The following ACTR3C variants were observed in gnomAD, a reference collection of about 807,000 sequenced individuals.
The protein encoded by ACTR3C is actin-related protein 3C.
A neutral mutation model predicts 26.3 loss-of-function variants in ACTR3C; 18 were observed. The observed-to-expected ratio is 0.68, with a 90% confidence interval of 0.47 to 1.01. The LOEUF (loss-of-function observed/expected upper bound fraction) is 1.01. ACTR3C is among the 50% of genes least tolerant of loss of function. ACTR3C has a pLI of 0.00. For synonymous variants in ACTR3C, 55 were observed against 94.5 expected, an observed-to-expected ratio of 0.58 and a Z score of 2.42; for missense variants, 184 against 250.7, an observed-to-expected ratio of 0.73 and a Z score of 1.80.
the ACTR3C span, among the ~76,000 whole-genome samples, chr7:150,205,704 T>C: frequency 6.6e-6 from 1 of 152,192 alleles, no homozygotes; most frequent in African/African-American, 2.4e-5. Flanking sequence ...GCCTCATAGA[T>C]ACCCTCTATT....
chr7:150,228,559 A>G, the ACTR3C span, among the ~76,000 whole-genome samples: 5 of 152,186 alleles, frequency 3.3e-5, no homozygotes, highest in African/African-American at 1.2e-4. Flanking sequence ...AGAGCTGCCA[A>G]TGTCATAAAG....
chr7:150,129,305 A>G, the ACTR3C span, among the ~76,000 whole-genome samples: 3 of 152,142 alleles, frequency 2.0e-5, no homozygotes, highest in African/African-American at 7.2e-5. Flanking sequence ...AATACTGAAC[A>G]CTTTTCCCCT....
chr7:150,004,253 T>C, the ACTR3C span, among the ~76,000 whole-genome samples: 1 of 139,056 alleles, frequency 7.2e-6, no homozygotes, highest in East Asian at 3.5e-4. Context: ...TTATGTGATA[T>C]GTGTGTGTGG....
At chr7:150,127,381 T>C in the ACTR3C span, among the ~76,000 whole-genome samples, 2 of 152,174 alleles carry the variant, frequency 1.3e-5, no homozygotes, top group African/African-American at 4.8e-5. Context: ...GACCTCCACA[T>C]AGTCCATTTT....
At chr7:150,036,170 G>T in the ACTR3C span, among the ~76,000 whole-genome samples, 15 of 125,880 alleles carry the variant, frequency 1.2e-4, 1 homozygote, top group African/African-American at 3.8e-4. Flanking sequence ...CTCCCCCCCC[G>T]CGATGGGAGT....
intron 6 of ACTR3C, among the ~76,000 whole-genome samples, chr7:150,277,605 C>T (rs1006568585): frequency 1.3e-5 from 2 of 152,116 alleles, no homozygotes; most frequent in African/African-American, 2.4e-5. Context: ...TCTAGTCTTC[C>T]GCTGCCTCAG....
the ACTR3C span, among the ~76,000 whole-genome samples, chr7:149,897,570 A>T: frequency 1.4e-4 from 21 of 152,224 alleles, no homozygotes; most frequent in African/African-American, 5.1e-4. Context: ...ACACAGCTAT[A>T]AGAGTGAATT....
chr7:149,888,501 G>C, the ACTR3C span, among the ~76,000 whole-genome samples: 1 of 152,114 alleles, frequency 6.6e-6, no homozygotes, highest in African/African-American at 2.4e-5. Context: ...TGGACATTTC[G>C]GTTTCCACTT....
At chr7:149,943,880 A>G in the ACTR3C span, among the ~76,000 whole-genome samples, 2 of 143,968 alleles carry the variant, frequency 1.4e-5, no homozygotes. Context: ...CATCACATTA[A>G]TTTTTAGGCA....
At chr7:149,894,267 C>G in the ACTR3C span, among the ~76,000 whole-genome samples, 2 of 152,196 alleles carry the variant, frequency 1.3e-5, no homozygotes, top group Non-Finnish European at 2.9e-5. Context: ...TTAAAGACTT[C>G]AATGTAAGAC....
chr7:150,108,564 G>T, the ACTR3C span, among the ~76,000 whole-genome samples: 3 of 149,250 alleles, frequency 2.0e-5, no homozygotes, highest in Non-Finnish European at 4.4e-5. Flanking sequence ...AACAGTGTTT[G>T]GGGGGTGGGG....
the ACTR3C span, among the ~76,000 whole-genome samples, chr7:150,178,538 C>A: frequency 1.3e-5 from 2 of 150,426 alleles, no homozygotes; most frequent in South Asian, 2.1e-4. Flanking sequence ...TCCACCTTGG[C>A]CTCCCAAAAT....
chr7:150,308,487 C>G (rs1198339411), intron 1 of ACTR3C, among the ~76,000 whole-genome samples: 1 of 152,120 alleles, frequency 6.6e-6, no homozygotes, highest in African/African-American at 2.4e-5. Context: ...TGCCTTACGT[C>G]CAGGCATTTT....
chr7:150,107,184 G>C, the ACTR3C span, among the ~76,000 whole-genome samples: 1 of 146,776 alleles, frequency 6.8e-6, no homozygotes, highest in South Asian at 2.1e-4. Flanking sequence ...TGCCGAGGTT[G>C]ATACATCACG....
At chr7:150,126,850 G>T in the ACTR3C span, among the ~76,000 whole-genome samples, 1 of 152,164 alleles carries the variant, frequency 6.6e-6, no homozygotes, top group Non-Finnish European at 1.5e-5. Flanking sequence ...ATGGCTAAGG[G>T]TTCATCGGGT....
At chr7:149,968,352 T>C in the ACTR3C span, among the ~76,000 whole-genome samples, 4 of 152,098 alleles carry the variant, frequency 2.6e-5, no homozygotes, top group Non-Finnish European at 5.9e-5. Flanking sequence ...CAGACCATGG[T>C]GAAACCCCGT....
the ACTR3C span, among the ~76,000 whole-genome samples, chr7:150,026,598 G>A: frequency 1.4e-4 from 22 of 151,990 alleles, no homozygotes; most frequent in African/African-American, 4.6e-4. Flanking sequence ...TTAACCAAAT[G>A]ATGTGAAGAA....
intron 6 of ACTR3C, among the ~76,000 whole-genome samples, chr7:150,277,559 C>T (rs1261024352): frequency 6.6e-6 from 1 of 152,176 alleles, no homozygotes; most frequent in East Asian, 1.9e-4. Context: ...AAGCCTCCAA[C>T]CTACAAATGC....
the ACTR3C span, among the ~76,000 whole-genome samples, chr7:150,016,450 A>C: frequency 1.1e-4 from 16 of 151,914 alleles, no homozygotes; most frequent in East Asian, 1.9e-4. Context: ...TTAGAGCCCT[A>C]ATGAGGGGAT....
Sources: allele counts gnomAD v4.1 joint callset (sites outside exome capture counted in the v4.1 genomes callset), GRCh38; gene constraint gnomAD v4.1.1; transcripts MANE v1.5; gene names NCBI Gene and HGNC (gene_info 2026-07-23, HGNC 2026-07-21).